Variants in RASSF5 observed in about 807,000 individuals in gnomAD.
The protein encoded by RASSF5 is Ras association domain family member 5, also known as ras association domain-containing protein 5.
A neutral mutation model predicts 40.5 loss-of-function variants in RASSF5; 25 were observed. The ratio of observed to expected loss-of-function variants is 0.62; its 90% CI spans 0.45 to 0.86. The LOEUF (loss-of-function observed/expected upper bound fraction) is 0.86. RASSF5 is among the 40% of genes least tolerant of loss of function. The pLI is 0.00. For synonymous variants in RASSF5, 246 were observed against 252.4 expected, an observed-to-expected ratio of 0.97 and a Z score of 0.24; for missense variants, 521 against 572.8, an observed-to-expected ratio of 0.91 and a Z score of 0.92.
intron 1 of RASSF5, among the ~76,000 whole-genome samples, chr1:206,511,553 G>T (rs1328463330): frequency 6.6e-6 from 1 of 152,196 alleles, no homozygotes; most frequent in Non-Finnish European, 1.5e-5. Flanking sequence ...CCACCTGTCT[G>T]CTCCTGGAGT....
At chr1:206,578,989 T>C (rs996800066) in intron 2 of RASSF5, among the ~76,000 whole-genome samples, 5 of 152,200 alleles carry the variant, frequency 3.3e-5, no homozygotes, top group Non-Finnish European at 7.3e-5. Flanking sequence ...CTCCTTATTT[T>C]GTTAAGAATA....
chr1:206,514,409 G>A (rs1391152661), intron 1 of RASSF5, among the ~76,000 whole-genome samples: 3 of 152,244 alleles, frequency 2.0e-5, no homozygotes, highest in African/African-American at 4.8e-5. Context: ...TCTATAAGAG[G>A]GGTGGTGTTG....
chr1:206,583,386 G>A lies in RASSF5; in HGVS notation c.690+7G>A, dbSNP rs558761399. 7 of 1,594,934 alleles carry A rather than the reference G, an allele frequency of 4.4e-6. No individual in the cohort carries two copies. Among genetic ancestry groups the A allele is most frequent in the East Asian group, 4.5e-5 (2 of 44,754 alleles). ...CTGCCTGGGCATGAAACTGGTAAGC[G>A]CCCGTCCACCCTCAACCTGGCCCCT... On this transcript the variant is annotated splice_region_variant and intron_variant, in intron 3 of 5. Transcript: ENST00000579436.
chr1:206,539,361 AC>A (rs2103524083), intron 2 of RASSF5, among the ~76,000 whole-genome samples: 1 of 152,164 alleles, frequency 6.6e-6, no homozygotes, highest in South Asian at 2.1e-4. Flanking sequence ...ATACTGGGGG[AC>A]CCAGGTGCTG....
chr1:206,564,254 G>T (rs1465911709), intron 2 of RASSF5, among the ~76,000 whole-genome samples: 1 of 152,080 alleles, frequency 6.6e-6, no homozygotes, highest in Non-Finnish European at 1.5e-5. Context: ...CCTAGGGAGG[G>T]GTCAGAGAGA....
intron 1 of RASSF5, among the ~76,000 whole-genome samples, chr1:206,517,119 C>G (rs1553395534): frequency 6.6e-6 from 1 of 152,226 alleles, no homozygotes; most frequent in African/African-American, 2.4e-5. Flanking sequence ...ATAAGTGCAT[C>G]TTCCACCAGA....
Position 206,557,414 on chromosome 1 carries a change from G to C in RASSF5, c.579+19121G>C, listed in dbSNP as rs1277315536. The C allele has an allele frequency of 7.2e-6, 10 of 1,391,604 alleles. No homozygotes were observed. The African/African-American group carries it at 1.5e-4, about 21-fold the overall frequency. The allele number at this position is 1,391,604 out of a possible 1,614,324, so 86.2% of individuals were successfully genotyped here. A position where few individuals can be genotyped will look rare whatever the true frequency, so the allele number is the denominator to read the frequency against. ...TGAAAGAAACGCAGGCGGCCCGCCG[G>C]CTCTGCCTGGTCCGCTACCCGACCA... On this transcript the variant is annotated intron_variant, in intron 2 of 5. Coordinates refer to ENST00000579436, the MANE Select transcript of RASSF5 (RefSeq NM_182663.4).
intron 1 of RASSF5, among the ~76,000 whole-genome samples, chr1:206,508,482 T>C (rs1443691635): frequency 6.6e-6 from 1 of 152,130 alleles, no homozygotes; most frequent in African/African-American, 2.4e-5. Context: ...GAGATGACCG[T>C]TTGACCCTTG....
intron 2 of RASSF5, among the ~76,000 whole-genome samples, chr1:206,561,836 T>TTG (rs1386829093): frequency 1.8e-5 from 2 of 111,558 alleles, no homozygotes; most frequent in East Asian, 2.6e-4. Flanking sequence ...CAGCTAAGTT[T>TTG]TGTGTTTTTT....
intron 1 of RASSF5, among the ~76,000 whole-genome samples, chr1:206,523,323 C>T (rs2103508826): frequency 7.7e-6 from 1 of 130,338 alleles, no homozygotes; most frequent in Non-Finnish European, 1.6e-5. Context: ...CCCATATATA[C>T]ATATAAAATA....
chr1:206,567,300 C>T (rs958388600), intron 2 of RASSF5, among the ~76,000 whole-genome samples: 2 of 152,086 alleles, frequency 1.3e-5, no homozygotes, highest in African/African-American at 2.4e-5. Flanking sequence ...TGGGAGGGAG[C>T]GGGGGAGCCT....
chr1:206,535,739 TGTGTGA>T lies in RASSF5; in HGVS notation c.458-2431_458-2426del, dbSNP rs1415717967. On this transcript the variant is annotated intron_variant, in intron 1 of 5. Coordinates refer to ENST00000579436, the MANE Select transcript of RASSF5 (RefSeq NM_182663.4). The surrounding 1 kb of genome is among the most constrained non-coding windows in gnomAD (Gnocchi z 5.0). ...TGGTGTGTGTGTGTGTGTGTGTGTG[TGTGTGA>T]GAGAGAGAGAGAGAGATGGAAATTG... 1.4e-5 allele frequency among the ~76,000 whole-genome samples: 2 copies of T among 148,004 alleles called. No homozygotes were observed. The highest frequency in any genetic ancestry group is 2.5e-5 in the African/African-American group (1 of 39,974).
chr1:206,527,190 A>T (rs1314473615), intron 1 of RASSF5, among the ~76,000 whole-genome samples: 1 of 152,162 alleles, frequency 6.6e-6, no homozygotes, highest in Non-Finnish European at 1.5e-5. Context: ...GACCTCTATC[A>T]CACATGTTAA....
chr1:206,554,434 T>A (rs1392064999), intron 2 of RASSF5, among the ~76,000 whole-genome samples: 4 of 152,238 alleles, frequency 2.6e-5, no homozygotes, highest in Non-Finnish European at 5.9e-5. Flanking sequence ...ATGTCTTTCA[T>A]CATCTAACAC....
At chr1:206,553,227 T>C (rs1368297046) in intron 2 of RASSF5, among the ~76,000 whole-genome samples, 1 of 151,866 alleles carries the variant, frequency 6.6e-6, no homozygotes, top group African/African-American at 2.4e-5. Flanking sequence ...AGAAAAGGGC[T>C]CAGTAAATAT....
At chr1:206,564,309 T>C (rs1553403064) in intron 2 of RASSF5, among the ~76,000 whole-genome samples, 2 of 152,120 alleles carry the variant, frequency 1.3e-5, no homozygotes, top group African/African-American at 2.4e-5. Context: ...GACATCCTTG[T>C]TCACACGCCG....
chr1:206,526,989 C>T (rs782653656), intron 1 of RASSF5, among the ~76,000 whole-genome samples: 7 of 152,100 alleles, frequency 4.6e-5, no homozygotes, highest in South Asian at 2.1e-4. Context: ...ATACTACCAC[C>T]GCCATTTGCA....
chr1:206,525,838 A>G (rs1369246469), intron 1 of RASSF5, among the ~76,000 whole-genome samples: 1 of 152,192 alleles, frequency 6.6e-6, no homozygotes, highest in East Asian at 1.9e-4. Context: ...ATGGTCGCTA[A>G]AAGTGTATGT....
At chr1:206,532,938 A>G (rs1254904635) in intron 1 of RASSF5, among the ~76,000 whole-genome samples, 2 of 152,214 alleles carry the variant, frequency 1.3e-5, no homozygotes, top group Non-Finnish European at 2.9e-5. Flanking sequence ...CACTCAGGCT[A>G]TGCAGCCACA....
Sources: allele counts gnomAD v4.1 joint callset (sites outside exome capture counted in the v4.1 genomes callset), GRCh38; gene constraint gnomAD v4.1.1; non-coding constraint Gnocchi (gnomAD v3.1); transcripts MANE v1.5; gene names NCBI Gene and HGNC (gene_info 2026-07-23, HGNC 2026-07-21).